TTC13: variants seen among roughly 807,000 people sequenced by gnomAD.
TTC13 encodes tetratricopeptide repeat protein 13.
TTC13 carries 62 observed loss-of-function variants against 120.0 expected under a neutral mutation model. The observed-to-expected ratio is 0.52, with a 90% CI of 0.42 to 0.64. The LOEUF is 0.64. Ranked by LOEUF, TTC13 falls within the 30% of genes least tolerant of loss-of-function variation. The pLI, the probability that TTC13 is intolerant of heterozygous loss-of-function variation, is 0.00. For missense variants in TTC13, 824 were observed against 1,050.2 expected, an observed-to-expected ratio of 0.78 and a Z score of 2.98; for synonymous variants, 384 against 393.5, an observed-to-expected ratio of 0.98 and a Z score of 0.28.
chr1:230,955,676 A>G (rs912835195), intron 3 of TTC13, among the ~76,000 whole-genome samples: 3 of 151,748 alleles, frequency 2.0e-5, no homozygotes, highest in African/African-American at 7.3e-5. Context: ...ATCTCAAAAA[A>G]AAAAAAAAAG....
chr1:230,914,618 C>A (rs1226498278), intron 18 of TTC13, among the ~76,000 whole-genome samples: 1 of 152,152 alleles, frequency 6.6e-6, no homozygotes. Context: ...TGGTCTCGAA[C>A]TCCTGACCTA....
In TTC13 at chr1:230,906,840, G is replaced by A. The variant is rs1670976792; in HGVS notation, c.*65C>T. 1 of 733,264 alleles carries A rather than the reference G, an allele frequency of 1.4e-6. No homozygotes were observed. The highest frequency in any genetic ancestry group is 1.8e-5 in the African/African-American group (1 of 54,864). 45.4% of individuals were successfully genotyped at this position (733,264 alleles called of 1,614,324 possible). ...GGACCTAATTTCTTTATAATTCCAT[G>A]TTTTAAAAAATAACTTAAGAAGCAA... On this transcript the variant is annotated 3_prime_UTR_variant, in exon 23 of 23. Transcript: ENST00000366661.
intron 12 of TTC13, among the ~76,000 whole-genome samples, 171 bp from the exon 13 acceptor site, chr1:230,925,818 A>C (rs4240944): frequency 0.47 from 71,801 of 152,056 alleles, 17,508 homozygotes; most frequent in Admixed American, 0.57. Context: ...TTAAAAGGGA[A>C]TCTCTATGAT....
intron 1 of TTC13, among the ~76,000 whole-genome samples, chr1:230,974,425 C>T (rs533602997): frequency 3.9e-5 from 6 of 152,214 alleles, no homozygotes; most frequent in African/African-American, 1.4e-4. Flanking sequence ...GACGGTAATA[C>T]CACATTTTCA....
chr1:230,925,069 CAT>C, intron 13 of TTC13, 96 bp from the exon 14 acceptor site: 1 of 1,457,160 alleles, frequency 6.9e-7, no homozygotes, highest in Non-Finnish European at 9.5e-7. Context: ...AGAGTTAACA[CAT>C]AAAGGGTCAG....
intron 1 of TTC13, among the ~76,000 whole-genome samples, chr1:230,973,501 T>C (rs1257534322): frequency 6.6e-6 from 1 of 152,218 alleles, no homozygotes; most frequent in Non-Finnish European, 1.5e-5. Flanking sequence ...TCTGCTTTCA[T>C]TGATTTCAAC....
chr1:230,940,551 C>G lies in TTC13; in HGVS notation c.678G>C (p.Leu226=). 1 of 1,604,690 alleles carries G rather than the reference C, an allele frequency of 6.2e-7. No individual in the cohort carries two copies. The highest frequency in any genetic ancestry group is 1.1e-5 in the South Asian group (1 of 90,748). Residue 226 remains leucine (L), a synonymous_variant, in exon 7 of 23, where the codon CTG becomes CTC. Transcript: ENST00000366661. This position sits in a 1 kb window ranked among gnomAD's most constrained non-coding sequence, Gnocchi z 4.1. Reference sequence around the variant, plus strand: ...CTTCATTAATTCGTCCCAGAGGGGACAGAATCTAGAAATCCCAAACATGTA... The same window carrying G: ...CTTCATTAATTCGTCCCAGAGGGGAGAGAATCTAGAAATCCCAAACATGTA... ...PEVFEQRAEI[L]SPLGRINEAV...
At position 230,977,820 on chromosome 1, in the gene TTC13, A is replaced by T. The variant is rs544490387; in HGVS notation, c.271+740T>A. ...TACACACGTATTTTGTCCCAGAGGC[A>T]TCTGCTATGATTTATTAAACTGAAG... is the stretch of plus-strand genomic sequence containing the variant. On this transcript the variant is annotated intron_variant, in intron 1 of 22. Transcript: ENST00000366661. Among the ~76,000 whole-genome samples, 7 of 152,312 alleles carry T rather than the reference A, an allele frequency of 4.6e-5. No individual in the cohort carries two copies. In the South Asian group the frequency reaches 1.4e-3, roughly 32 times the overall value.
chr1:230,931,960 A>G (rs1390419326), intron 9 of TTC13, 83 bp from the exon 10 acceptor site: 2 of 1,379,844 alleles, frequency 1.4e-6, no homozygotes, highest in East Asian at 4.6e-5. Flanking sequence ...ATTATGGACC[A>G]ATATGTAAAC....
intron 8 of TTC13, among the ~76,000 whole-genome samples, chr1:230,934,395 T>G (rs541466923): frequency 2.6e-5 from 4 of 151,848 alleles, no homozygotes; most frequent in Non-Finnish European, 5.9e-5. Flanking sequence ...AAAGAAAAAG[T>G]AAAACAAAAC....
At chr1:230,916,103 T>C in intron 18 of TTC13, 90 bp downstream of exon 18, 2 of 964,716 alleles carry the variant, frequency 2.1e-6, no homozygotes, top group Non-Finnish European at 3.4e-6. Context: ...GAGCAAAAGT[T>C]CAACACCACA....
At chr1:230,956,603 A>G in intron 3 of TTC13, 6 of 380,356 alleles carry the variant, frequency 1.6e-5, no homozygotes, top group Non-Finnish European at 1.5e-5. Flanking sequence ...AAAAACAAAT[A>G]TGATTTTTAG....
intron 18 of TTC13, among the ~76,000 whole-genome samples, chr1:230,914,688 C>T (rs939540695): frequency 1.3e-5 from 2 of 152,066 alleles, no homozygotes; most frequent in African/African-American, 2.4e-5. Context: ...CCACTGCGCC[C>T]GGCCGACTTT....
At position 230,931,811 on chromosome 1, in the gene TTC13, A is replaced by G. The variant is rs772373762; in HGVS notation, c.1050T>C (p.His350=). 3.7e-6 allele frequency: 6 copies of G among 1,614,144 alleles called. No individual in the cohort carries two copies. Among genetic ancestry groups the G allele is most frequent in the Middle Eastern group, 1.6e-4 (1 of 6,062 alleles). Residue 350 remains histidine, a synonymous_variant, in exon 10 of 23, where the codon CAT becomes CAC. Coordinates refer to ENST00000366661, the MANE Select transcript of TTC13 (RefSeq NM_024525.5). The part of the protein sequence containing the change: ...FQKALLLNQN[H]VQTLQLRGMM... Reference sequence around the variant, plus strand: ...TTCCCCGGAGCTGGAGGGTTTGCACATGATTTTGGTTGAGCAACAGTGCCT... The same window carrying G: ...TTCCCCGGAGCTGGAGGGTTTGCACGTGATTTTGGTTGAGCAACAGTGCCT...
At chr1:230,916,353 C>G (rs1672027280) in intron 17 of TTC13, 51 bp from the exon 18 acceptor site, 1 of 1,317,034 alleles carries the variant, frequency 7.6e-7, no homozygotes, top group Non-Finnish European at 1.1e-6. Context: ...TCACTGTAAA[C>G]CCCAACTGCA....
chr1:230,975,601 ATT>A (rs755308691), intron 1 of TTC13, among the ~76,000 whole-genome samples: 6 of 152,286 alleles, frequency 3.9e-5, no homozygotes, highest in Non-Finnish European at 8.8e-5. Flanking sequence ...TTAAAATAAT[ATT>A]TTTTCTCTAC....
intron 11 of TTC13, among the ~76,000 whole-genome samples, chr1:230,929,946 C>A (rs1369388569): frequency 6.6e-6 from 1 of 152,156 alleles, no homozygotes; most frequent in African/African-American, 2.4e-5. Flanking sequence ...AGCCACCTGG[C>A]TATTGGATAC....
intron 18 of TTC13, 107 bp downstream of exon 18, chr1:230,916,086 C>A: frequency 1.2e-6 from 1 of 828,178 alleles, no homozygotes. Flanking sequence ...CTTTTCATTT[C>A]AGGATGGAGC....
At chr1:230,937,185 C>A (rs1674144519) in intron 8 of TTC13, among the ~76,000 whole-genome samples, 1 of 152,188 alleles carries the variant, frequency 6.6e-6, no homozygotes, top group East Asian at 1.9e-4. Context: ...AGTTCTTGTG[C>A]AATTTGTAGT....
Sources: gnomAD v4.1 joint callset for allele counts (sites outside exome capture counted in the v4.1 genomes callset) on GRCh38, gnomAD v4.1.1 for gene constraint, Gnocchi (gnomAD v3.1) non-coding constraint, MANE v1.5 for transcripts, NCBI Gene and HGNC (gene_info 2026-07-23, HGNC 2026-07-21) for gene names.